Variants in TMPRSS3 observed in about 807,000 individuals in gnomAD.
The protein encoded by TMPRSS3 is transmembrane serine protease 3.
In TMPRSS3, 55 loss-of-function variants were observed where a neutral mutation model predicts 59.6. The observed-to-expected ratio is 0.92, with a 90% CI of 0.74 to 1.16. The LOEUF (loss-of-function observed/expected upper bound fraction) is 1.16. Among genes scored for constraint, TMPRSS3 ranks in the 50% most tolerant of loss-of-function variants. The pLI is 0.00. For synonymous variants in TMPRSS3, 257 were observed against 237.7 expected (o/e 1.08, Z -0.75); for missense variants, 596 against 579.4 (o/e 1.03, Z -0.29).
chr21:42,382,137 T>G lies in TMPRSS3; in HGVS notation c.880A>C (p.Ser294Arg). ...SHLVEKIVYHSKYKPKRLGND... is the reference protein window; with the variant it reads ...SHLVEKIVYHRKYKPKRLGND... ...CCCAGCCTCTTTGGCTTGTACTTGC[T>G]GTGGTAGACAATCTTCTCCACCAAG... Residue 294 changes from serine to arginine, a missense_variant, in exon 9 of 13, where the codon AGC becomes CGC. Coordinates refer to ENST00000644384, the MANE Select transcript of TMPRSS3 (RefSeq NM_001256317.3). 2 of 1,614,246 alleles carry G rather than the reference T, an allele frequency of 1.2e-6. No homozygotes were observed. Among genetic ancestry groups the G allele is most frequent in the Non-Finnish European group, 8.5e-7 (1 of 1,180,046 alleles).
chr21:42,385,595 C>T (rs544424608), intron 5 of TMPRSS3, 61 bp from the exon 6 acceptor site: 63 of 1,601,614 alleles, frequency 3.9e-5, no homozygotes, highest in Admixed American at 8.3e-5. Flanking sequence ...AGCATTCAAC[C>T]GATGTGCGAG....
In TMPRSS3 at chr21:42,372,639, G is replaced by T; in HGVS notation, c.*123C>A. The stretch of plus-strand genomic sequence containing the variant: ...GGTGCCTCTTTCGGGCCTGCTACTG[G>T]TGCCGGAACTCAGAGCTCCAAGGGT... On this transcript the variant is annotated 3_prime_UTR_variant, in exon 13 of 13. Transcript: ENST00000644384. The T allele has an allele frequency of 1.0e-6, 1 of 975,676 alleles. No homozygotes were observed. Among genetic ancestry groups the T allele is most frequent in the Non-Finnish European group, 1.7e-6 (1 of 597,250 alleles). The allele number at this position is 975,676 out of a possible 1,614,324, so 60.4% of individuals were successfully genotyped here. A position where few individuals can be genotyped will look rare whatever the true frequency, so the allele number is the denominator to read the frequency against.
At chr21:42,376,835 G>T (rs2052438900) in intron 10 of TMPRSS3, 152 bp from the exon 11 acceptor site, 12 of 1,242,078 alleles carry the variant, frequency 9.7e-6, no homozygotes, top group Non-Finnish European at 1.2e-6. Flanking sequence ...GGGCCCTGCG[G>T]GTGGGACGAG....
At chr21:42,386,282 A>G (rs1445098399) in intron 5 of TMPRSS3, among the ~76,000 whole-genome samples, 1 of 152,046 alleles carries the variant, frequency 6.6e-6, no homozygotes, top group African/African-American at 2.4e-5. Context: ...TATCAACAGG[A>G]TTTCTTCAGC....
intron 2 of TMPRSS3, among the ~76,000 whole-genome samples, chr21:42,393,958 C>T (rs1009619843): frequency 1.3e-5 from 2 of 151,968 alleles, no homozygotes; most frequent in Non-Finnish European, 2.9e-5. Flanking sequence ...CAAAATAATA[C>T]AAATAGTACA....
At position 42,383,198 on chromosome 21, in the gene TMPRSS3, G is replaced by A; in HGVS notation, c.617C>T (p.Ala206Val). The change falls in exon 8 of 13, where the codon GCC (alanine) becomes GTC (valine). Residue 206 changes from alanine to valine, a missense_variant and splice_region_variant. Coordinates refer to ENST00000644384, the MANE Select transcript of TMPRSS3 (RefSeq NM_001256317.3). ...SGHVVTLQCT[A>V]CGHRRGYSSR... ...GCTGTAGCCCCTTCTATGACCACAG[G>A]CTATGGAGGGGAACAAAGGCTTGTG... 2 of 1,609,968 alleles carry A rather than the reference G, an allele frequency of 1.2e-6. No homozygotes were observed. Among genetic ancestry groups the A allele is most frequent in the Non-Finnish European group, 1.7e-6 (2 of 1,178,782 alleles).
Position 42,389,459 on chromosome 21 carries a change from G to A in TMPRSS3, c.206-414C>T, listed in dbSNP as rs535135333. ...TGGACCACACAGTGGGGCAGGTGGC[G>A]AATTGAACTGACCTGTGATTCAGGT... On this transcript the variant is annotated intron_variant, in intron 3 of 12. Transcript: ENST00000644384. Among the ~76,000 whole-genome samples, 61 of 152,360 alleles carry A rather than the reference G, an allele frequency of 4.0e-4. No individual in the cohort carries two copies. In the South Asian group the frequency reaches 6.6e-3, roughly 17 times the overall value.
At position 42,388,925 on chromosome 21, in the gene TMPRSS3, T is replaced by C. The variant is rs1241554146; in HGVS notation, c.322+4A>G. On this transcript the variant is annotated splice_donor_region_variant and intron_variant, in intron 4 of 12. Transcript: ENST00000644384. This position sits in a 1 kb window ranked among gnomAD's most constrained non-coding sequence, Gnocchi z 5.1. ...TTTCCCCAGGGGAAGAGCCATGACC[T>C]TACCACAGCGGTACTCGTCCTCCCC... is the stretch of plus-strand genomic sequence containing the variant. The C allele has an allele frequency of 6.2e-7, 1 of 1,613,232 alleles. No homozygotes were observed. Among genetic ancestry groups the C allele is most frequent in the Non-Finnish European group, 8.5e-7 (1 of 1,179,268 alleles).
At position 42,389,023 on chromosome 21, in the gene TMPRSS3, C is replaced by T. The variant is rs1377233854; in HGVS notation, c.228G>A (p.Lys76=). 6.2e-7 allele frequency: 1 copy of T among 1,614,198 alleles called. No homozygotes were observed. Among genetic ancestry groups the T allele is most frequent in the Non-Finnish European group, 8.5e-7 (1 of 1,180,032 alleles). Residue 76 remains lysine, a synonymous_variant, in exon 4 of 13, where the codon AAG becomes AAA. Transcript: ENST00000644384. ...GLGIHFDCSG[K]YRCRSSFKCI... ...ACTTAAAGGATGAGCGACATCTGTA[C>T]TTCCCTGAGCAGTCGAAGTGGACTG...
chr21:42,393,017 A>C (rs2052753082), intron 2 of TMPRSS3, among the ~76,000 whole-genome samples: 1 of 152,242 alleles, frequency 6.6e-6, no homozygotes, highest in Non-Finnish European at 1.5e-5. Flanking sequence ...CAAATGGCGC[A>C]CAAGTATGAA....
chr21:42,382,688 G>T (rs574470584), intron 8 of TMPRSS3: 2 of 427,078 alleles, frequency 4.7e-6, no homozygotes, highest in Admixed American at 3.5e-5. Flanking sequence ...CCGCACCACC[G>T]TCTCACCCTG....
intron 12 of TMPRSS3, among the ~76,000 whole-genome samples, chr21:42,373,860 A>C (rs2052376887): frequency 6.6e-6 from 1 of 152,062 alleles, no homozygotes; most frequent in Non-Finnish European, 1.5e-5. Flanking sequence ...CCCCAGACTG[A>C]TTTTGAACGT....
rs144184755 is a variant in TMPRSS3, at chr21:42,374,026, G to A, written c.1345-1247C>T. On this transcript the variant is annotated intron_variant, in intron 12 of 12. Coordinates refer to ENST00000644384, the MANE Select transcript of TMPRSS3 (RefSeq NM_001256317.3). ...GAAGGCCTCCATGTACTGCAGACCC[G>A]TGTGGAGGACCGGCTTCTCCTTTCC... Among the ~76,000 whole-genome samples, 69 of 152,292 alleles carry A rather than the reference G, an allele frequency of 4.5e-4. 1 individual carries two copies. Among genetic ancestry groups the A allele is most frequent in the Middle Eastern group, 3.4e-3 (1 of 294 alleles).
intron 8 of TMPRSS3, chr21:42,382,644 A>G: frequency 2.5e-6 from 1 of 396,644 alleles, no homozygotes; most frequent in Non-Finnish European, 4.7e-6. Flanking sequence ...GAAGAGACCC[A>G]GTACCTGGCC....
chr21:42,382,904 A>G, intron 8 of TMPRSS3, 129 bp downstream of exon 8: 1 of 1,148,054 alleles, frequency 8.7e-7, no homozygotes, highest in Non-Finnish European at 1.3e-6. Flanking sequence ...CTCCTCTCCA[A>G]CTGTACATTA....
At chr21:42,395,722 T>C in intron 1 of TMPRSS3, 1 of 406,900 alleles carries the variant, frequency 2.5e-6, no homozygotes, top group Admixed American at 3.6e-5. Context: ...GACAATGACT[T>C]TCCCATTGTT....
chr21:42,384,149 C>A (rs1173939955), intron 6 of TMPRSS3, 136 bp from the exon 7 acceptor site: 484 of 586,362 alleles, frequency 8.3e-4, no homozygotes, highest in Middle Eastern at 1.3e-3. Flanking sequence ...CAATTTTAGT[C>A]TATGTTCAAA....
chr21:42,385,081 T>TCCTCCCTCTC (rs2052610900), intron 6 of TMPRSS3, among the ~76,000 whole-genome samples: 10 of 40,584 alleles, frequency 2.5e-4, no homozygotes, highest in South Asian at 8.2e-4. Context: ...CCCTTCCTCT[T>TCCTCCCTCTC]TTCCTCCCCA....
chr21:42,386,937 C>A (rs1601529005), intron 5 of TMPRSS3, among the ~76,000 whole-genome samples: 2 of 151,914 alleles, frequency 1.3e-5, no homozygotes, highest in Non-Finnish European at 2.9e-5. Flanking sequence ...GGATAGAGAA[C>A]AAAAGAACAA....
Sources: allele counts gnomAD v4.1 joint callset (sites outside exome capture counted in the v4.1 genomes callset), GRCh38; gene constraint gnomAD v4.1.1; non-coding constraint Gnocchi (gnomAD v3.1); transcripts MANE v1.5; gene names NCBI Gene and HGNC (gene_info 2026-07-23, HGNC 2026-07-21).